Variants in QKI observed in about 807,000 individuals in gnomAD.
The protein encoded by QKI is KH domain-containing RNA-binding protein QKI.
In QKI, 10 loss-of-function variants were observed where a neutral mutation model predicts 39.0. The observed-to-expected ratio is 0.26, with a 90% CI of 0.16 to 0.43. QKI has a LOEUF of 0.43. QKI is among the 20% of genes least tolerant of loss of function. The pLI, the probability that QKI is intolerant of heterozygous loss-of-function variation, is 1.00. For synonymous variants in QKI, 204 were observed against 155.4 expected (o/e 1.31, Z -2.33); for missense variants, 218 against 428.0 (o/e 0.51, Z 4.33).
intron 3 of QKI, among the ~76,000 whole-genome samples, chr6:163,480,269 C>T (rs62428367): frequency 1.3e-5 from 2 of 152,132 alleles, no homozygotes; most frequent in East Asian, 3.9e-4. Flanking sequence ...TTCTCTCTCT[C>T]TCTCTCTCTT....
chr6:163,510,951 A>G (rs772979087), intron 3 of QKI, among the ~76,000 whole-genome samples: 15 of 152,210 alleles, frequency 9.9e-5, no homozygotes, highest in Non-Finnish European at 1.5e-4. Flanking sequence ...ATTAAACGTT[A>G]TATCTTACAG....
At chr6:163,442,039 G>A (rs1789796131) in intron 1 of QKI, among the ~76,000 whole-genome samples, 1 of 152,162 alleles carries the variant, frequency 6.6e-6, no homozygotes. Flanking sequence ...ATAATAAGAT[G>A]TTATTTGCCA....
chr6:163,438,671 A>C (rs894416630), intron 1 of QKI, among the ~76,000 whole-genome samples: 1 of 152,088 alleles, frequency 6.6e-6, no homozygotes, highest in Non-Finnish European at 1.5e-5. Context: ...AAAAAATGGT[A>C]TACCTGTATA....
chr6:163,452,840 GCCTCAGCCT>G (rs1158703891), intron 1 of QKI, among the ~76,000 whole-genome samples: 1 of 152,122 alleles, frequency 6.6e-6, no homozygotes. Flanking sequence ...CGATTCTCCT[GCCTCAGCCT>G]CCTGAGTAGC....
At chr6:163,556,503 C>CAAAAA (rs61233361) in intron 4 of QKI, among the ~76,000 whole-genome samples, 10 of 83,054 alleles carry the variant, frequency 1.2e-4, no homozygotes, top group African/African-American at 2.3e-4. Flanking sequence ...AATTCCACCT[C>CAAAAA]AAAAAAAAAA....
chr6:163,504,996 A>G (rs1358734067), intron 3 of QKI, among the ~76,000 whole-genome samples: 2 of 152,118 alleles, frequency 1.3e-5, no homozygotes, highest in Admixed American at 1.3e-4. Flanking sequence ...TGAGGAAAAA[A>G]TGGGTGTCCG....
At chr6:163,504,884 T>C (rs1779001287) in intron 3 of QKI, among the ~76,000 whole-genome samples, 2 of 152,188 alleles carry the variant, frequency 1.3e-5, no homozygotes. Flanking sequence ...CTCTTCTTTT[T>C]AAAAATGTTT....
chr6:163,423,832 A>G (rs2128208410), intron 1 of QKI, among the ~76,000 whole-genome samples: 1 of 152,190 alleles, frequency 6.6e-6, no homozygotes, highest in South Asian at 2.1e-4. Flanking sequence ...TTTACTACTC[A>G]AGAGGAAACA....
chr6:163,479,953 T>G (rs1274509275), intron 3 of QKI, among the ~76,000 whole-genome samples: 1 of 152,216 alleles, frequency 6.6e-6, no homozygotes. Flanking sequence ...TGAGATACAC[T>G]TTGGGTTTCA....
At chr6:163,439,253 C>G (rs1582988496) in intron 1 of QKI, among the ~76,000 whole-genome samples, 1 of 151,756 alleles carries the variant, frequency 6.6e-6, no homozygotes, top group Non-Finnish European at 1.5e-5. Context: ...TGACAGACAC[C>G]TACAAATATT....
At chr6:163,527,505 T>G (rs538216945) in intron 3 of QKI, among the ~76,000 whole-genome samples, 1 of 152,280 alleles carries the variant, frequency 6.6e-6, no homozygotes, top group African/African-American at 2.4e-5. Context: ...CTTGTGCTCA[T>G]TTGCTTGACT....
chr6:163,555,703 T>A (rs1409773564), intron 4 of QKI, among the ~76,000 whole-genome samples: 2 of 152,186 alleles, frequency 1.3e-5, no homozygotes, highest in Non-Finnish European at 2.9e-5. Context: ...AACTGTTCAA[T>A]GCCCTGAATG....
At chr6:163,558,916 C>G (rs1291755610) in intron 4 of QKI, among the ~76,000 whole-genome samples, 1 of 152,090 alleles carries the variant, frequency 6.6e-6, no homozygotes, top group Admixed American at 6.5e-5. Flanking sequence ...TCACCTCCAG[C>G]AACACCATAT....
In QKI at chr6:163,574,613, G is replaced by A. The variant is rs907770842; in HGVS notation, c.*3903G>A. The A allele has an allele frequency of 6.6e-6, 1 of 152,084 alleles. No individual in the cohort carries two copies. The highest frequency in any genetic ancestry group is 2.4e-5 in the African/African-American group (1 of 41,416). 9.4% of individuals were successfully genotyped at this position (152,084 alleles called of 1,614,324 possible). ...AAAAGTTGTATGTGATTAATTTCTT[G>A]CATGCAAATCAATTTAAGATTTCTT... On this transcript the variant is annotated 3_prime_UTR_variant, in exon 8 of 8. Coordinates refer to ENST00000361752, the MANE Select transcript of QKI (RefSeq NM_006775.3).
chr6:163,550,749 A>G (rs774035345), intron 4 of QKI, among the ~76,000 whole-genome samples: 18 of 152,070 alleles, frequency 1.2e-4, no homozygotes, highest in Non-Finnish European at 2.5e-4. Context: ...GATCGAGACC[A>G]TCCTGGCTAA....
chr6:163,448,743 T>C (rs952583942), intron 1 of QKI, among the ~76,000 whole-genome samples: 8 of 151,652 alleles, frequency 5.3e-5, no homozygotes, highest in African/African-American at 1.9e-4. Context: ...ATCTCAAAAA[T>C]AAATAAGTAA....
chr6:163,488,587 T>C (rs754900213), intron 3 of QKI, among the ~76,000 whole-genome samples: 27 of 152,270 alleles, frequency 1.8e-4, no homozygotes, highest in Non-Finnish European at 2.2e-4. Context: ...TACAAAGCAG[T>C]CTCAGAATAA....
intron 4 of QKI, among the ~76,000 whole-genome samples, chr6:163,554,968 C>G (rs1424338325): frequency 2.6e-5 from 4 of 152,210 alleles, no homozygotes. Context: ...TTGTTTAAGT[C>G]AATCAAATTA....
chr6:163,510,217 A>AAATAATAAGAAT (rs1779357085), intron 3 of QKI, among the ~76,000 whole-genome samples: 1 of 136,276 alleles, frequency 7.3e-6, no homozygotes, highest in Admixed American at 7.5e-5. Flanking sequence ...CTCTATCTCA[A>AAATAATAAGAAT]AATAATAATA....
Sources: allele counts gnomAD v4.1 joint callset (sites outside exome capture counted in the v4.1 genomes callset), GRCh38; gene constraint gnomAD v4.1.1; transcripts MANE v1.5; gene names NCBI Gene and HGNC (gene_info 2026-07-23, HGNC 2026-07-21).